Variants in ZNF566 observed in about 807,000 individuals in gnomAD.
ZNF566 encodes zinc finger protein 566.
Under a neutral mutation model 32.8 loss-of-function variants are expected in ZNF566, and 27 were observed. The observed-to-expected ratio is 0.82, with a 90% CI of 0.61 to 1.14. ZNF566 has a LOEUF of 1.14. Ranked by LOEUF, ZNF566 falls within the 50% of genes most tolerant of loss-of-function variation. The pLI is 0.00. For synonymous variants in ZNF566, 154 were observed against 159.5 expected (o/e 0.97, Z 0.26); for missense variants, 402 against 490.4 (o/e 0.82, Z 1.70).
chr19:36,446,595 C>T lies in ZNF566; in HGVS notation c.*2382G>A, dbSNP rs1465828138. 4.6e-5 allele frequency: 7 copies of T among 152,196 alleles called. No individual in the cohort carries two copies. Among genetic ancestry groups the T allele is most frequent in the Non-Finnish European group, 7.3e-5 (5 of 68,044 alleles). 9.4% of individuals were successfully genotyped at this position (152,196 alleles called of 1,614,324 possible). A position where few individuals can be genotyped will look rare whatever the true frequency, so the allele number is the denominator to read the frequency against. ...TGTTTCATTAATTTGGGTGCAAATG[C>T]ACTATCTCTATAATTTTAGATGAAG... On this transcript the variant is annotated 3_prime_UTR_variant, in exon 5 of 5. Transcript: ENST00000452939.
At chr19:36,453,509 T>TAAATAAATA (rs1568510984) in intron 4 of ZNF566, among the ~76,000 whole-genome samples, 16 of 97,010 alleles carry the variant, frequency 1.6e-4, no homozygotes, top group African/African-American at 4.4e-4. Flanking sequence ...ATAAATAAAT[T>TAAATAAATA]AATTAATTAA....
chr19:36,462,956 C>CAAAAAAAAAAAAAAA (rs755283751), intron 4 of ZNF566, among the ~76,000 whole-genome samples: 16 of 38,562 alleles, frequency 4.1e-4, no homozygotes, highest in South Asian at 1.4e-3. Context: ...GACTCTGTCT[C>CAAAAAAAAAAAAAAA]AAAAAAAAAA....
At position 36,445,669 on chromosome 19, in the gene ZNF566, A is replaced by AT. The variant is rs1183220499; in HGVS notation, c.*3307dup. 3 of 152,038 alleles carry AT rather than the reference A, an allele frequency of 2.0e-5. No individual in the cohort carries two copies. The highest frequency in any genetic ancestry group is 7.3e-5 in the African/African-American group (3 of 41,370). The allele number at this position is 152,038 out of a possible 1,614,324, so 9.4% of individuals were successfully genotyped here. On this transcript the variant is annotated 3_prime_UTR_variant, in exon 5 of 5. Coordinates refer to ENST00000452939, the MANE Select transcript of ZNF566 (RefSeq NM_001145344.1). ...ATGCCGTCTCTACTAAAAATACAAA[A>AT]TTTTCCAGGCGTAGTGGCATATACC...
At chr19:36,477,793 C>T (rs547566044) in intron 1 of ZNF566, among the ~76,000 whole-genome samples, 14 of 152,014 alleles carry the variant, frequency 9.2e-5, no homozygotes, top group African/African-American at 2.9e-4. Flanking sequence ...GGATTATAAG[C>T]GTGAGACACC....
intron 4 of ZNF566, among the ~76,000 whole-genome samples, chr19:36,462,774 G>A (rs892371966): frequency 2.6e-5 from 4 of 151,186 alleles, no homozygotes; most frequent in Admixed American, 6.6e-5. Flanking sequence ...TGGCTAACGC[G>A]GTGAAACCCC....
At chr19:36,454,982 T>C (rs1295645425) in intron 4 of ZNF566, among the ~76,000 whole-genome samples, 1 of 152,096 alleles carries the variant, frequency 6.6e-6, no homozygotes, top group Non-Finnish European at 1.5e-5. Context: ...CTCAACAAAA[T>C]ACTAGCAAAT....
chr19:36,449,121 T>C lies in ZNF566; in HGVS notation c.1113A>G (p.Ile371Met), dbSNP rs777025138. ...AACTCTGAGAATAAGCCTTCCCACA[T>C]ATCTTACATTCATAGGGTTTCTCCC... ...HTGEKPYECK[I>M]CGKAYSQSSQ... The change falls in exon 5 of 5, where the codon ATA becomes ATG. Residue 371 changes from isoleucine (I) to methionine (M), a missense_variant. Ile to Met is a conservative substitution (Grantham distance 10). Coordinates refer to ENST00000452939, the MANE Select transcript of ZNF566 (RefSeq NM_001145344.1). 2.5e-6 allele frequency: 4 copies of C among 1,613,996 alleles called. No individual in the cohort carries two copies. Among genetic ancestry groups the C allele is most frequent in the Non-Finnish European group, 2.5e-6 (3 of 1,180,002 alleles).
Position 36,448,624 on chromosome 19 carries a change from A to G in ZNF566, c.*353T>C, listed in dbSNP as rs2033053790. 1 of 168,856 alleles carries G rather than the reference A, an allele frequency of 5.9e-6. No individual in the cohort carries two copies. The highest frequency in any genetic ancestry group is 2.4e-5 in the African/African-American group (1 of 42,130). 10.5% of individuals were successfully genotyped at this position (168,856 alleles called of 1,614,324 possible). The stretch of plus-strand genomic sequence containing the variant: ...TAAGAATGTAACAATTAGAGAAATT[A>G]GGGGAAAAAATGACAATCACAGGAC... On this transcript the variant is annotated 3_prime_UTR_variant, in exon 5 of 5. Coordinates refer to ENST00000452939, the MANE Select transcript of ZNF566 (RefSeq NM_001145344.1).
chr19:36,486,933 T>G (rs1302848565), intron 1 of ZNF566, among the ~76,000 whole-genome samples: 1 of 149,006 alleles, frequency 6.7e-6, no homozygotes, highest in African/African-American at 2.5e-5. Flanking sequence ...CCACTAAAAA[T>G]ACAAAAATTA....
intron 4 of ZNF566, among the ~76,000 whole-genome samples, chr19:36,467,217 C>T (rs757836933): frequency 3.0e-4 from 45 of 149,782 alleles, no homozygotes; most frequent in Non-Finnish European, 5.5e-4. Context: ...AGGCGGATCA[C>T]GAGGTCAGGA....
chr19:36,466,527 G>T (rs1440323954), intron 4 of ZNF566, among the ~76,000 whole-genome samples: 1 of 152,166 alleles, frequency 6.6e-6, no homozygotes, highest in Non-Finnish European at 1.5e-5. Flanking sequence ...ATACATATGT[G>T]ATGATTCCAT....
chr19:36,455,421 T>G (rs767626590), intron 4 of ZNF566, among the ~76,000 whole-genome samples: 13 of 152,096 alleles, frequency 8.5e-5, no homozygotes, highest in Non-Finnish European at 1.6e-4. Context: ...CCCTAGGGGA[T>G]CTACCATAAA....
intron 1 of ZNF566, among the ~76,000 whole-genome samples, chr19:36,487,024 A>C (rs1164411715): frequency 1.4e-5 from 2 of 141,884 alleles, no homozygotes; most frequent in African/African-American, 5.2e-5. Flanking sequence ...CGGGAGGCGG[A>C]GCTTGCAGTG....
intron 4 of ZNF566, among the ~76,000 whole-genome samples, chr19:36,456,719 C>T (rs928692864): frequency 1.3e-5 from 2 of 151,862 alleles, no homozygotes; most frequent in Admixed American, 6.6e-5. Flanking sequence ...TATCCCAGAA[C>T]TTAAAGTATA....
At chr19:36,466,732 A>AT (rs1409141935) in intron 4 of ZNF566, among the ~76,000 whole-genome samples, 1 of 152,206 alleles carries the variant, frequency 6.6e-6, no homozygotes, top group Non-Finnish European at 1.5e-5. Flanking sequence ...AGAACATGCA[A>AT]AGTCCCATAA....
intron 4 of ZNF566, among the ~76,000 whole-genome samples, chr19:36,464,756 T>A (rs750415934): frequency 6.6e-6 from 1 of 151,912 alleles, no homozygotes; most frequent in Non-Finnish European, 1.5e-5. Flanking sequence ...CCTGGGTGAC[T>A]TTTTCTGTCT....
rs2032979601 is a variant in ZNF566, at chr19:36,445,800, CAA to C, written c.*3175_*3176del. 1 of 152,184 alleles carries C rather than the reference CAA, an allele frequency of 6.6e-6. No homozygotes were observed. Among genetic ancestry groups the C allele is most frequent in the African/African-American group, 2.4e-5 (1 of 41,454 alleles). The allele number at this position is 152,184 out of a possible 1,614,324, so 9.4% of individuals were successfully genotyped here. A position where few individuals can be genotyped will look rare whatever the true frequency, so the allele number is the denominator to read the frequency against. On this transcript the variant is annotated 3_prime_UTR_variant, in exon 5 of 5. Transcript: ENST00000452939. ...CGCCATTGCACTCCAGCCTGGGAAA[CAA>C]GAGTGAAACTCTGTCTCAAAACAAA...
chr19:36,463,196 C>T (rs970309921), intron 4 of ZNF566, among the ~76,000 whole-genome samples: 9 of 150,992 alleles, frequency 6.0e-5, no homozygotes, highest in African/African-American at 1.7e-4. Flanking sequence ...TTCAGCTACT[C>T]GGGGGCTGAG....
rs117752493 is a variant in ZNF566 at position 36,468,597 on chromosome 19, C to G, written c.232+4314G>C. 1.8e-3 allele frequency among the ~76,000 whole-genome samples: 266 copies of G among 151,792 alleles called. 6 individuals are homozygous for G. Among genetic ancestry groups the G allele is most frequent in the African/African-American group, 6.1e-3 (249 of 41,140 alleles). On this transcript the variant is annotated intron_variant, in intron 4 of 4. Coordinates refer to ENST00000452939, the MANE Select transcript of ZNF566 (RefSeq NM_001145344.1). ...CTCCAGCCTGGGCGACAGGACTAGA[C>G]TCTGTCTCAAAAAAACTAAAAAATT... is the stretch of plus-strand genomic sequence containing the variant.
Sources: allele counts gnomAD v4.1 joint callset (sites outside exome capture counted in the v4.1 genomes callset), GRCh38; gene constraint gnomAD v4.1.1; transcripts MANE v1.5; gene names NCBI Gene and HGNC (gene_info 2026-07-23, HGNC 2026-07-21).